The following BIN2 variants were observed in gnomAD, a reference collection of about 807,000 sequenced individuals.
The protein encoded by BIN2 is bridging integrator 2.
In BIN2, 43 loss-of-function variants were observed where a neutral mutation model predicts 67.9. The ratio of observed to expected loss-of-function variants is 0.63; its 90% confidence interval spans 0.50 to 0.82. BIN2 has a LOEUF of 0.82. BIN2 is among the 40% of genes least tolerant of loss of function. The probability of loss-of-function intolerance (pLI) is 0.00; values close to 1 mark genes in which losing one functional copy is unlikely to be tolerated. For synonymous variants in BIN2, 244 were observed against 246.8 expected, an observed-to-expected ratio of 0.99 and a Z score of 0.11; for missense variants, 581 against 671.6, an observed-to-expected ratio of 0.87 and a Z score of 1.49.
chr12:51,288,890 C>T (rs541695764), intron 10 of BIN2, among the ~76,000 whole-genome samples: 2 of 151,912 alleles, frequency 1.3e-5, no homozygotes, highest in African/African-American at 2.4e-5. Flanking sequence ...GCTGGGATTA[C>T]GGCACACACC....
rs563335168 is a variant in BIN2 at position 51,282,111 on chromosome 12, C to A, written c.1669-583G>T. 6.6e-5 allele frequency among the ~76,000 whole-genome samples: 10 copies of A among 152,132 alleles called. No homozygotes were observed. In the South Asian group the frequency reaches 2.1e-3, roughly 32 times the overall value. On this transcript the variant is annotated intron_variant, in intron 12 of 12. Coordinates refer to ENST00000615107, the MANE Select transcript of BIN2 (RefSeq NM_016293.4). ...TCTTGGATTTTAGAAAGTCTGGAAC[C>A]AATTTCATGGTCATCCTTAGTAAGC...
At position 51,288,750 on chromosome 12, in the gene BIN2, TC is replaced by T. The variant is rs1379690369; in HGVS notation, c.1516-563del. 1.4e-3 allele frequency among the ~76,000 whole-genome samples: 70 copies of T among 48,342 alleles called. No homozygotes were observed. In the South Asian group the frequency reaches 0.083, roughly 57 times the overall value. The allele number at this position is 48,342 out of a possible 152,430, so 31.7% of individuals were successfully genotyped here. A position where few individuals can be genotyped will look rare whatever the true frequency, so the allele number is the denominator to read the frequency against. On this transcript the variant is annotated intron_variant, in intron 10 of 12. Transcript: ENST00000615107. ...CTGACTGGAGATAATCTATCCTAGATCTTTTTTTTTTTTTTTGAGACAGGGT... is the reference window on the plus strand; with the variant it reads ...CTGACTGGAGATAATCTATCCTAGATTTTTTTTTTTTTTTTGAGACAGGGT...
chr12:51,312,268 C>CA (rs1946015857), intron 2 of BIN2, among the ~76,000 whole-genome samples: 1 of 152,298 alleles, frequency 6.6e-6, no homozygotes, highest in Admixed American at 6.5e-5. Context: ...CAACCTTATA[C>CA]AAAAAATATT....
Position 51,295,580 on chromosome 12 carries a change from ATATATATATATATATATATAT to A in BIN2, c.761+195_761+215del, listed in dbSNP as rs1945537661. 9.9e-3 allele frequency among the ~76,000 whole-genome samples: 391 copies of A among 39,454 alleles called. 39 individuals carry two copies. The highest frequency in any genetic ancestry group is 0.015 in the South Asian group (12 of 812). 25.9% of individuals were successfully genotyped at this position (39,454 alleles called of 152,430 possible). On this transcript the variant is annotated intron_variant, in intron 9 of 12. Coordinates refer to ENST00000615107, the MANE Select transcript of BIN2 (RefSeq NM_016293.4). ...TCCGTCTCAAAAAAAAAAAAAAAAT[ATATATATATATATATATATAT>A]ATATATATATATATATATATATATA...
intron 11 of BIN2, among the ~76,000 whole-genome samples, chr12:51,285,676 T>A (rs1037742360): frequency 3.3e-5 from 5 of 149,850 alleles, no homozygotes; most frequent in African/African-American, 1.2e-4. Context: ...CAGGCTGGAG[T>A]GCAGTGGCGT....
intron 9 of BIN2, among the ~76,000 whole-genome samples, chr12:51,294,382 T>C (rs1039050090): frequency 2.8e-4 from 43 of 151,930 alleles, no homozygotes; most frequent in African/African-American, 9.2e-4. Flanking sequence ...GCCTGGCCAG[T>C]ATGGTGAAAC....
chr12:51,303,862 C>A (rs1945797319), intron 2 of BIN2, among the ~76,000 whole-genome samples: 3 of 152,208 alleles, frequency 2.0e-5, no homozygotes, highest in South Asian at 4.1e-4. Context: ...GACAAATGTT[C>A]ATTTAGCCTC....
At chr12:51,293,293 A>C (rs1034958180) in intron 9 of BIN2, among the ~76,000 whole-genome samples, 4 of 151,178 alleles carry the variant, frequency 2.6e-5, no homozygotes, top group African/African-American at 7.3e-5. Context: ...CCAAAAAAAA[A>C]CCACCTTATT....
At chr12:51,310,016 A>G (rs1171951561) in intron 2 of BIN2, among the ~76,000 whole-genome samples, 1 of 152,222 alleles carries the variant, frequency 6.6e-6, no homozygotes, top group Admixed American at 6.5e-5. Flanking sequence ...GCACAGTGAA[A>G]AAAGCTGAGT....
chr12:51,299,200 T>C lies in BIN2; in HGVS notation c.602+3A>G. 6.2e-7 allele frequency: 1 copy of C among 1,607,012 alleles called. No homozygotes were observed. The highest frequency in any genetic ancestry group is 1.1e-5 in the South Asian group (1 of 90,928). On this transcript the variant is annotated splice_donor_region_variant and intron_variant, in intron 7 of 12. Coordinates refer to ENST00000615107, the MANE Select transcript of BIN2 (RefSeq NM_016293.4). ...GGCACCTTTTCTGAATTTCAGTCAT[T>C]ACCTATTATAAAGAATAGGCAGCTC...
At chr12:51,316,650 CCA>C (rs1946142865) in intron 1 of BIN2, among the ~76,000 whole-genome samples, 1 of 152,096 alleles carries the variant, frequency 6.6e-6, no homozygotes, top group Admixed American at 6.6e-5. Flanking sequence ...CCCAAATAAC[CCA>C]CACTGTTGCT....
chr12:51,295,965 C>T (rs1945555986), intron 8 of BIN2, 87 bp from the exon 9 acceptor site: 3 of 1,067,946 alleles, frequency 2.8e-6, no homozygotes, highest in African/African-American at 1.6e-5. Context: ...CAGACAGCTT[C>T]CCAAAATAAA....
At chr12:51,315,561 A>G (rs1191830305) in intron 1 of BIN2, among the ~76,000 whole-genome samples, 1 of 152,200 alleles carries the variant, frequency 6.6e-6, no homozygotes, top group Non-Finnish European at 1.5e-5. Context: ...TAAACTGTGC[A>G]TGGCTTTTAA....
At chr12:51,301,947 A>G in intron 5 of BIN2, 73 bp downstream of exon 5, 2 of 1,050,866 alleles carry the variant, frequency 1.9e-6, no homozygotes, top group Non-Finnish European at 2.9e-6. Context: ...TCTACTTATA[A>G]TGCTTAACCC....
chr12:51,312,000 G>A (rs1025584677), intron 2 of BIN2, among the ~76,000 whole-genome samples: 1 of 152,132 alleles, frequency 6.6e-6, no homozygotes, highest in Non-Finnish European at 1.5e-5. Flanking sequence ...TCGAACTCCT[G>A]ACCTCAGGTG....
intron 2 of BIN2, among the ~76,000 whole-genome samples, chr12:51,310,781 G>A (rs1221889916): frequency 6.6e-6 from 1 of 151,818 alleles, no homozygotes; most frequent in Non-Finnish European, 1.5e-5. Flanking sequence ...TTTTTTTTGA[G>A]ATAGGGTCTC....
At chr12:51,286,793 G>A (rs767757090) in intron 11 of BIN2, among the ~76,000 whole-genome samples, 97 of 152,236 alleles carry the variant, frequency 6.4e-4, no homozygotes, top group Non-Finnish European at 1.1e-3. Flanking sequence ...CCTCAGACTA[G>A]AAACTGACCA....
intron 1 of BIN2, among the ~76,000 whole-genome samples, chr12:51,315,246 T>C (rs1202461466): frequency 2.0e-5 from 3 of 151,968 alleles, no homozygotes; most frequent in African/African-American, 7.3e-5. Context: ...CTCGGCTCAC[T>C]GCAAGCTCCG....
At chr12:51,286,978 C>T (rs1473302147) in intron 11 of BIN2, among the ~76,000 whole-genome samples, 5 of 151,660 alleles carry the variant, frequency 3.3e-5, no homozygotes, top group South Asian at 2.1e-4. Flanking sequence ...TGTGACACTA[C>T]GCCTGGCTAA....
Sources: gnomAD v4.1 joint callset for allele counts (sites outside exome capture counted in the v4.1 genomes callset) on GRCh38, gnomAD v4.1.1 for gene constraint, MANE v1.5 for transcripts, NCBI Gene and HGNC (gene_info 2026-07-23, HGNC 2026-07-21) for gene names.